The following MBD5 variants were observed in gnomAD, a reference collection of about 807,000 sequenced individuals.
The protein encoded by MBD5 is methyl-CpG binding domain protein 5.
A neutral mutation model predicts 117.3 loss-of-function variants in MBD5; 13 were observed. That is an observed-to-expected ratio of 0.11 (90% confidence interval 0.07 to 0.18). The LOEUF is 0.18. MBD5 is among the 10% of genes least tolerant of loss of function. The pLI is 1.00. For synonymous variants in MBD5, 727 were observed against 766.4 expected, an observed-to-expected ratio of 0.95 and a Z score of 0.85; for missense variants, 1,879 against 2,093.8, an observed-to-expected ratio of 0.90 and a Z score of 2.00.
chr2:148,469,971 T>G lies in MBD5; in HGVS notation c.2028T>G (p.Asp676Glu). The G allele has an allele frequency of 3.1e-6, 5 of 1,613,946 alleles. No individual in the cohort carries two copies. The highest frequency in any genetic ancestry group is 4.2e-6 in the Non-Finnish European group (5 of 1,179,900). ...GTTTGCTCAGACAGTCTCAAATGGA[T>G]AGTTCTGCAGTTCCTAAACCTGGAC... ...VLSLLRQSQM[D>E]SSAVPKPGPD... is the part of the protein sequence containing the mutation. The change falls in exon 8 of 14, where the codon GAT becomes GAG. Residue 676 changes from aspartate (D) to glutamate (E), a missense_variant. Asp to Glu is a conservative substitution (Grantham distance 45). Coordinates refer to ENST00000642680, the MANE Select transcript of MBD5 (RefSeq NM_001378120.1).
At chr2:148,255,116 G>A (rs1700554587) in intron 3 of MBD5, among the ~76,000 whole-genome samples, 1 of 152,206 alleles carries the variant, frequency 6.6e-6, no homozygotes, top group Non-Finnish European at 1.5e-5. Context: ...CAATGCAGTT[G>A]GAGCATGTTA....
At chr2:148,072,470 T>C (rs953306667) in intron 1 of MBD5, among the ~76,000 whole-genome samples, 1 of 152,194 alleles carries the variant, frequency 6.6e-6, no homozygotes, top group African/African-American at 2.4e-5. Flanking sequence ...ATATAAGTTA[T>C]ATAGTGTAAA....
rs559875791 is a variant in MBD5 at position 148,494,474 on chromosome 2, C to T, written c.4962+3880C>T. On this transcript the variant is annotated intron_variant, in intron 11 of 13. Transcript: ENST00000642680. ...CCTTCCCACATAACTCTCTTTCACA[C>T]GTAAAACAATATTAATTAGTGGAGA... Among the ~76,000 whole-genome samples, 7 of 152,218 alleles carry T rather than the reference C, an allele frequency of 4.6e-5. No homozygotes were observed. The South Asian group carries it at 1.5e-3, about 32-fold the overall frequency.
intron 3 of MBD5, among the ~76,000 whole-genome samples, chr2:148,261,172 A>G (rs1459232329): frequency 1.3e-5 from 2 of 152,188 alleles, no homozygotes; most frequent in Non-Finnish European, 2.9e-5. Flanking sequence ...GGAATGGTTA[A>G]TGACCATTGG....
intron 4 of MBD5, among the ~76,000 whole-genome samples, chr2:148,394,260 C>T (rs183498841): frequency 5.4e-4 from 82 of 152,172 alleles, no homozygotes; most frequent in Admixed American, 1.6e-3. Context: ...CCTGGAACAA[C>T]TTAAAATAAG....
chr2:148,224,073 T>TAA (rs1699756747), intron 2 of MBD5, among the ~76,000 whole-genome samples: 2 of 152,250 alleles, frequency 1.3e-5, no homozygotes, highest in African/African-American at 4.8e-5. Context: ...TATTCCACTT[T>TAA]GGTCAGAGAA....
intron 4 of MBD5, among the ~76,000 whole-genome samples, chr2:148,353,747 A>T (rs1456325257): frequency 6.6e-6 from 1 of 151,876 alleles, no homozygotes; most frequent in East Asian, 1.9e-4. Flanking sequence ...GGTACAGCTA[A>T]TTTTTGTATT....
chr2:148,294,196 GTTTTTTTTTTT>G (rs60942822), intron 3 of MBD5, among the ~76,000 whole-genome samples: 2 of 127,140 alleles, frequency 1.6e-5, no homozygotes, highest in Admixed American at 8.0e-5. Context: ...CCAGAATGAA[GTTTTTTTTTTT>G]TTTTTTTTTT....
At chr2:148,298,784 C>T (rs1391461808) in intron 3 of MBD5, among the ~76,000 whole-genome samples, 1 of 152,198 alleles carries the variant, frequency 6.6e-6, no homozygotes, top group East Asian at 1.9e-4. Flanking sequence ...TTACAGCATC[C>T]TCATATATCA....
intron 4 of MBD5, among the ~76,000 whole-genome samples, chr2:148,419,663 T>C (rs557910885): frequency 1.1e-4 from 16 of 152,228 alleles, no homozygotes; most frequent in Non-Finnish European, 1.9e-4. Flanking sequence ...TTTTAAAGTA[T>C]ATTTTACTAT....
At chr2:148,158,510 G>C (rs1376313156) in intron 1 of MBD5, among the ~76,000 whole-genome samples, 3 of 152,148 alleles carry the variant, frequency 2.0e-5, no homozygotes, top group Non-Finnish European at 4.4e-5. Flanking sequence ...TTCGTGGTAC[G>C]AAGAGCCAGG....
chr2:148,138,954 G>T (rs1169710819), intron 1 of MBD5, among the ~76,000 whole-genome samples: 3 of 152,200 alleles, frequency 2.0e-5, no homozygotes, highest in African/African-American at 7.2e-5. Flanking sequence ...AAATCTCAGA[G>T]AATGCAGTTT....
intron 4 of MBD5, among the ~76,000 whole-genome samples, chr2:148,345,358 T>C (rs1703068634): frequency 6.8e-6 from 1 of 147,784 alleles, no homozygotes; most frequent in Admixed American, 6.8e-5. Flanking sequence ...TATACACATA[T>C]ACACATATAC....
intron 2 of MBD5, among the ~76,000 whole-genome samples, chr2:148,226,040 T>G (rs2106103938): frequency 6.6e-6 from 1 of 152,288 alleles, no homozygotes; most frequent in East Asian, 1.9e-4. Flanking sequence ...GTAAACTTTC[T>G]GCCTCTATCT....
chr2:148,377,778 T>C (rs995307310), intron 4 of MBD5, among the ~76,000 whole-genome samples: 6 of 152,230 alleles, frequency 3.9e-5, no homozygotes, highest in African/African-American at 7.2e-5. Context: ...GTCTAAGTAT[T>C]CTGCATCCCC....
In MBD5 at chr2:148,330,115, A is replaced by ACACACACACACACACACACACACT. The variant is rs148068244; in HGVS notation, c.-679-12096_-679-12095insACACACACACACACACACACTCAC. On this transcript the variant is annotated intron_variant, in intron 3 of 13. Coordinates refer to ENST00000642680, the MANE Select transcript of MBD5 (RefSeq NM_001378120.1). ...CACACACACACACACACACACACAC[A>ACACACACACACACACACACACACT]CACTCTACCTTAGGCCAAAAAAGGG... 4.7e-3 allele frequency among the ~76,000 whole-genome samples: 600 copies of ACACACACACACACACACACACACT among 127,356 alleles called. 20 individuals carry two copies. Among genetic ancestry groups the ACACACACACACACACACACACACT allele is most frequent in the Admixed American group, 0.027 (299 of 10,940 alleles). 83.6% of individuals were successfully genotyped at this position (127,356 alleles called of 152,430 possible).
At chr2:148,279,421 C>A (rs1325746686) in intron 3 of MBD5, among the ~76,000 whole-genome samples, 1 of 152,124 alleles carries the variant, frequency 6.6e-6, no homozygotes, top group Non-Finnish European at 1.5e-5. Flanking sequence ...CAAGCAAGAC[C>A]TTGTCTCTGT....
chr2:148,054,080 A>G (rs551557650), intron 1 of MBD5: 1 of 151,394 alleles, frequency 6.6e-6, no homozygotes, highest in Non-Finnish European at 1.5e-5. Context: ...GCTTATTTTT[A>G]GTTTTTGTAG....
At chr2:148,237,974 T>C (rs1473230910) in intron 3 of MBD5, among the ~76,000 whole-genome samples, 4 of 152,134 alleles carry the variant, frequency 2.6e-5, no homozygotes, top group Non-Finnish European at 5.9e-5. Context: ...GAGGATTAAA[T>C]GGAATAGATA....
Sources: gnomAD v4.1 joint callset for allele counts (sites outside exome capture counted in the v4.1 genomes callset) on GRCh38, gnomAD v4.1.1 for gene constraint, MANE v1.5 for transcripts, NCBI Gene and HGNC (gene_info 2026-07-23, HGNC 2026-07-21) for gene names.